Variants in CIMIP5 observed in about 807,000 individuals in gnomAD.
The protein encoded by CIMIP5 is uncharacterized protein C2orf50.
the CIMIP5 span, among the ~76,000 whole-genome samples, chr2:11,140,163 G>A: frequency 3.3e-5 from 5 of 150,932 alleles, no homozygotes; most frequent in East Asian, 1.9e-4. Flanking sequence ...CGAGGCGGGC[G>A]GATCACAAGG....
chr2:11,140,821 C>A, the CIMIP5 span, among the ~76,000 whole-genome samples: 1 of 152,204 alleles, frequency 6.6e-6, no homozygotes, highest in African/African-American at 2.4e-5. Context: ...GAAATGTCTC[C>A]CCTGATTGAG....
the CIMIP5 span, among the ~76,000 whole-genome samples, chr2:11,135,979 T>C: frequency 6.6e-6 from 1 of 152,222 alleles, no homozygotes; most frequent in African/African-American, 2.4e-5. Flanking sequence ...ATTGGGTTAT[T>C]TGGTTTGGTG....
the CIMIP5 span, chr2:11,144,093 C>T: frequency 6.3e-7 from 1 of 1,593,772 alleles, no homozygotes; most frequent in Non-Finnish European, 8.5e-7. Flanking sequence ...AGCTGGAGGA[C>T]CAGATGCAGC....
the CIMIP5 span, among the ~76,000 whole-genome samples, chr2:11,150,039 C>T: frequency 2.2e-4 from 33 of 152,226 alleles, no homozygotes; most frequent in African/African-American, 6.7e-4. Flanking sequence ...CTCCACCTCC[C>T]GGGTTCAAGC....
chr2:11,141,970 C>T, the CIMIP5 span, among the ~76,000 whole-genome samples: 2,303 of 152,082 alleles, frequency 0.015, 57 homozygotes, highest in African/African-American at 0.053. Flanking sequence ...GATCTCACTA[C>T]AAAAAGGATG....
At chr2:11,147,563 G>A in the CIMIP5 span, among the ~76,000 whole-genome samples, 1 of 152,134 alleles carries the variant, frequency 6.6e-6, no homozygotes, top group Admixed American at 6.5e-5. Context: ...CACACTTCAG[G>A]TTAGGTTCAA....
chr2:11,154,325 T>C, the CIMIP5 span, among the ~76,000 whole-genome samples: 1 of 151,562 alleles, frequency 6.6e-6, no homozygotes, highest in Non-Finnish European at 1.5e-5. Context: ...TCATTTAGAC[T>C]TGGGAGGCAG....
At chr2:11,151,191 G>T in the CIMIP5 span, among the ~76,000 whole-genome samples, 1 of 152,228 alleles carries the variant, frequency 6.6e-6, no homozygotes, top group Non-Finnish European at 1.5e-5. Context: ...TGGAACCAAA[G>T]TATATCTTAC....
chr2:11,141,886 T>A, the CIMIP5 span, among the ~76,000 whole-genome samples: 1 of 152,114 alleles, frequency 6.6e-6, no homozygotes, highest in African/African-American at 2.4e-5. Context: ...ACCCTAGCAT[T>A]TGCCCCATCC....
chr2:11,146,606 G>C, the CIMIP5 span: 3 of 152,232 alleles, frequency 2.0e-5, no homozygotes, highest in Non-Finnish European at 4.4e-5. Context: ...CCCTGGCCCT[G>C]AGCGACTGTG....
chr2:11,133,128 C>T, the CIMIP5 span: 3 of 544,096 alleles, frequency 5.5e-6, no homozygotes, highest in Non-Finnish European at 9.2e-6. Flanking sequence ...AAACTGGGCT[C>T]AAATGCTCTC....
chr2:11,136,231 T>C, the CIMIP5 span, among the ~76,000 whole-genome samples: 2 of 152,254 alleles, frequency 1.3e-5, no homozygotes, highest in Admixed American at 6.5e-5. Flanking sequence ...CTTCTTCCTA[T>C]GTTTTTGACT....
chr2:11,149,261 G>C, the CIMIP5 span, among the ~76,000 whole-genome samples: 1 of 151,576 alleles, frequency 6.6e-6, no homozygotes, highest in African/African-American at 2.4e-5. Context: ...GTGCTCCCCT[G>C]GTGTGGTTCA....
At chr2:11,140,409 C>G in the CIMIP5 span, 5 of 552,260 alleles carry the variant, frequency 9.1e-6, no homozygotes, top group Non-Finnish European at 1.5e-5. Context: ...TTATTTAGTT[C>G]TTCCACGTGA....
At chr2:11,139,251 A>G in the CIMIP5 span, among the ~76,000 whole-genome samples, 35 of 152,306 alleles carry the variant, frequency 2.3e-4, no homozygotes, top group Non-Finnish European at 4.9e-4. Flanking sequence ...AGTCTCAGGT[A>G]TTATTTATAG....
At chr2:11,143,960 C>T in the CIMIP5 span, 1 of 1,603,218 alleles carries the variant, frequency 6.2e-7, no homozygotes, top group Non-Finnish European at 8.5e-7. Flanking sequence ...GACCATGTGC[C>T]TCTCTTTTCG....
the CIMIP5 span, chr2:11,133,453 G>T: frequency 6.2e-7 from 1 of 1,610,298 alleles, no homozygotes; most frequent in Non-Finnish European, 8.5e-7. Context: ...ATGGCCAGCA[G>T]GGGTCTTGCT....
chr2:11,153,810 G>A, the CIMIP5 span, among the ~76,000 whole-genome samples: 2 of 151,734 alleles, frequency 1.3e-5, no homozygotes, highest in Non-Finnish European at 2.9e-5. Context: ...TGTAATTCCA[G>A]CTACTTGGGA....
At chr2:11,145,307 T>G in the CIMIP5 span, 2 of 152,102 alleles carry the variant, frequency 1.3e-5, no homozygotes, top group African/African-American at 4.8e-5. Context: ...TTTTTAAAAT[T>G]TTATGTAGAG....
Sources: gnomAD v4.1 joint callset for allele counts (sites outside exome capture counted in the v4.1 genomes callset) on GRCh38, gnomAD v4.1.1 for gene constraint, MANE v1.5 for transcripts, NCBI Gene and HGNC (gene_info 2026-07-23, HGNC 2026-07-21) for gene names.